SYTL3: variants seen among roughly 807,000 people sequenced by gnomAD.
The protein encoded by SYTL3 is synaptotagmin like 3.
Under a neutral mutation model 82.1 loss-of-function variants are expected in SYTL3, and 88 were observed. The observed-to-expected ratio is 1.07, with a 90% confidence interval of 0.90 to 1.28. SYTL3 has a LOEUF of 1.28. Among genes scored for constraint, SYTL3 ranks in the 50% most tolerant of loss-of-function variants. The pLI is 0.00. For missense variants in SYTL3, 831 were observed against 757.6 expected, an observed-to-expected ratio of 1.10 and a Z score of -1.14; for synonymous variants, 311 against 289.4, an observed-to-expected ratio of 1.07 and a Z score of -0.76.
chr6:158,664,049 A>C (rs1172255752), intron 4 of SYTL3, among the ~76,000 whole-genome samples: 1 of 152,198 alleles, frequency 6.6e-6, no homozygotes, highest in Non-Finnish European at 1.5e-5. Context: ...GTCAAGATCC[A>C]TCTTTAAACA....
Position 158,707,258 on chromosome 6 carries a change from C to T in SYTL3, c.423C>T (p.Leu141=). ...GGKHETVGGQ[L]LQSYQKLSKI... is the part of the protein sequence containing the mutation. Reference sequence around the variant, plus strand: ...AACATGAGACAGTTGGAGGGCAGCTCTTGCAATCTTATCAGAAGCTGAGGT... The same window carrying T: ...AACATGAGACAGTTGGAGGGCAGCTTTTGCAATCTTATCAGAAGCTGAGGT... Residue 141 remains leucine (L), a synonymous_variant, in exon 7 of 18, where the codon CTC becomes CTT. Coordinates refer to ENST00000611299, the MANE Select transcript of SYTL3 (RefSeq NM_001242394.2). 1 of 1,613,940 alleles carries T rather than the reference C, an allele frequency of 6.2e-7. No individual in the cohort carries two copies. Among genetic ancestry groups the T allele is most frequent in the Non-Finnish European group, 8.5e-7 (1 of 1,180,034 alleles).
chr6:158,755,200 G>A (rs554653653), intron 13 of SYTL3, among the ~76,000 whole-genome samples: 3 of 152,122 alleles, frequency 2.0e-5, no homozygotes, highest in South Asian at 2.1e-4. Flanking sequence ...AAGATTAGCC[G>A]GGCATGGCGA....
rs116276020 is a variant in SYTL3 at position 158,737,314 on chromosome 6, C to T, written c.856-8166C>T. Reference sequence around the variant, plus strand: ...GTCAGGGCCAGGCACTGGAAGGCTGCTGTGTGGCCTCATCACTCACCATCT... The same window carrying T: ...GTCAGGGCCAGGCACTGGAAGGCTGTTGTGTGGCCTCATCACTCACCATCT... On this transcript the variant is annotated intron_variant, in intron 11 of 17. Coordinates refer to ENST00000611299, the MANE Select transcript of SYTL3 (RefSeq NM_001242394.2). 9.2e-3 allele frequency among the ~76,000 whole-genome samples: 1,397 copies of T among 152,310 alleles called. 13 individuals carry two copies. Among genetic ancestry groups the T allele is most frequent in the African/African-American group, 0.031 (1,290 of 41,554 alleles).
Position 158,662,350 on chromosome 6 carries a change from T to C in SYTL3, c.-519-400T>C, listed in dbSNP as rs1789473840. On this transcript the variant is annotated intron_variant, in intron 3 of 17. Transcript: ENST00000611299. Reference sequence around the variant, plus strand: ...AGCTCATGAAACTTATTCAAGACTGTAAATAATTGATAGGCTGAGCTTGTG... The same window carrying C: ...AGCTCATGAAACTTATTCAAGACTGCAAATAATTGATAGGCTGAGCTTGTG... Among the ~76,000 whole-genome samples the C allele has an allele frequency of 2.6e-5, 4 of 152,352 alleles. No homozygotes were observed. In the South Asian group the frequency reaches 8.3e-4, roughly 32 times the overall value.
At chr6:158,655,937 G>T (rs573674743) in intron 2 of SYTL3, among the ~76,000 whole-genome samples, 1 of 152,326 alleles carries the variant, frequency 6.6e-6, no homozygotes, top group South Asian at 2.1e-4. Context: ...GGGCCGATGC[G>T]TGGAAATGCA....
intron 6 of SYTL3, among the ~76,000 whole-genome samples, chr6:158,699,729 C>T (rs948306434): frequency 2.0e-5 from 3 of 151,960 alleles, no homozygotes; most frequent in African/African-American, 7.3e-5. Context: ...GGGAGGATCA[C>T]TTGAGTTCAG....
At chr6:158,691,191 A>G (rs1779820868) in intron 6 of SYTL3, among the ~76,000 whole-genome samples, 1 of 152,136 alleles carries the variant, frequency 6.6e-6, no homozygotes, top group Non-Finnish European at 1.5e-5. Flanking sequence ...TAATAAAAAT[A>G]CAAAAATTAG....
intron 2 of SYTL3, among the ~76,000 whole-genome samples, chr6:158,653,046 A>G (rs532758104): frequency 6.6e-6 from 1 of 152,348 alleles, no homozygotes; most frequent in East Asian, 1.9e-4. Context: ...CAGAAAATGT[A>G]TAAACGCACA....
rs934393896 is a variant in SYTL3, at chr6:158,762,109, G to C, written c.1448G>C (p.Cys483Ser). ...TDQPSLHGQL[C>S]LVVLGAKNLP... Reference sequence around the variant, plus strand: ...CAGCCATCACTTCATGGTCAACTTTGTTTGGTAGTGCTAGGAGCCAAGAAT... The same window carrying C: ...CAGCCATCACTTCATGGTCAACTTTCTTTGGTAGTGCTAGGAGCCAAGAAT... Residue 483 changes from cysteine (C) to serine (S), a missense_variant, in exon 16 of 18, where the codon TGT (cysteine) becomes TCT (serine). Cys to Ser is a moderately radical substitution (Grantham distance 112). Coordinates refer to ENST00000611299, the MANE Select transcript of SYTL3 (RefSeq NM_001242394.2). The C allele has an allele frequency of 1.9e-6, 3 of 1,613,462 alleles. No individual in the cohort carries two copies. The highest frequency in any genetic ancestry group is 2.5e-6 in the Non-Finnish European group (3 of 1,179,624).
upstream of SYTL3, among the ~76,000 whole-genome samples, chr6:158,649,798 A>C (rs1787771856): frequency 6.6e-6 from 1 of 152,198 alleles, no homozygotes; most frequent in Admixed American, 6.5e-5. Flanking sequence ...GGAAGGGTGA[A>C]ACATTTCACC....
chr6:158,740,117 C>T (rs926467910), intron 11 of SYTL3, among the ~76,000 whole-genome samples: 1 of 149,048 alleles, frequency 6.7e-6, no homozygotes, highest in African/African-American at 2.5e-5. Context: ...CTGCCTCATT[C>T]TCCTGAGTAG....
intron 8 of SYTL3, among the ~76,000 whole-genome samples, chr6:158,711,515 G>A (rs1051200249): frequency 1.3e-5 from 2 of 152,144 alleles, no homozygotes; most frequent in Non-Finnish European, 2.9e-5. Context: ...CCAAGGTGTC[G>A]GCGCCAGGAA....
chr6:158,761,301 C>CTTTTTTTT lies in SYTL3; in HGVS notation c.1414+568_1414+575dup, dbSNP rs11463987. On this transcript the variant is annotated intron_variant, in intron 15 of 17. Transcript: ENST00000611299. Reference sequence around the variant, plus strand: ...AGGAGGACTGGGAGAATGCACATTTCTTTTTTTTTTTTTTTTTTTGAGACA... The same window carrying CTTTTTTTT: ...AGGAGGACTGGGAGAATGCACATTTCTTTTTTTTTTTTTTTTTTTTTTTTTTTGAGACA... 1.1e-3 allele frequency among the ~76,000 whole-genome samples: 107 copies of CTTTTTTTT among 93,844 alleles called. 5 individuals are homozygous for CTTTTTTTT. Among genetic ancestry groups the CTTTTTTTT allele is most frequent in the Non-Finnish European group, 1.6e-3 (77 of 47,808 alleles). The allele number at this position is 93,844 out of a possible 152,430, so 61.6% of individuals were successfully genotyped here.
intron 11 of SYTL3, among the ~76,000 whole-genome samples, chr6:158,728,766 C>A (rs1459914305): frequency 1.3e-5 from 2 of 151,568 alleles, no homozygotes; most frequent in African/African-American, 4.8e-5. Context: ...AGGTGAAACC[C>A]CTTCTCTACT....
chr6:158,693,973 G>A (rs893494820), intron 6 of SYTL3, among the ~76,000 whole-genome samples: 1 of 151,024 alleles, frequency 6.6e-6, no homozygotes, highest in Non-Finnish European at 1.5e-5. Context: ...GACTGTAGGC[G>A]TAAGCCACTG....
At chr6:158,704,419 G>T (rs1781727184) in intron 6 of SYTL3, among the ~76,000 whole-genome samples, 1 of 152,266 alleles carries the variant, frequency 6.6e-6, no homozygotes, top group Non-Finnish European at 1.5e-5. Context: ...TGCAGGAGCC[G>T]CAGCGGGGAC....
chr6:158,713,117 C>T (rs959483357), intron 8 of SYTL3, among the ~76,000 whole-genome samples: 1 of 152,100 alleles, frequency 6.6e-6, no homozygotes, highest in Non-Finnish European at 1.5e-5. Context: ...TCTACTTTCT[C>T]CTGGAAATTT....
intron 6 of SYTL3, among the ~76,000 whole-genome samples, chr6:158,691,699 T>C (rs1779885561): frequency 1.3e-5 from 2 of 151,812 alleles, no homozygotes; most frequent in Admixed American, 6.6e-5. Flanking sequence ...TCGCCCAGGC[T>C]GGAGTGCAGT....
intron 5 of SYTL3, among the ~76,000 whole-genome samples, chr6:158,679,498 T>C (rs1040443403): frequency 6.6e-6 from 1 of 152,178 alleles, no homozygotes; most frequent in Non-Finnish European, 1.5e-5. Flanking sequence ...AAACCTAGTA[T>C]TCAAAGCAAG....
Sources: allele counts gnomAD v4.1 joint callset (sites outside exome capture counted in the v4.1 genomes callset), GRCh38; gene constraint gnomAD v4.1.1; transcripts MANE v1.5; gene names NCBI Gene and HGNC (gene_info 2026-07-23, HGNC 2026-07-21).